Variants in LAMA2 observed in about 807,000 individuals in gnomAD.
The protein encoded by LAMA2 is laminin subunit alpha-2.
A neutral mutation model predicts 364.8 loss-of-function variants in LAMA2; 269 were observed. The observed-to-expected ratio is 0.74, with a 90% CI of 0.67 to 0.82. The LOEUF (loss-of-function observed/expected upper bound fraction) is 0.82, where lower values mean the gene tolerates loss of function less well. Among genes scored for constraint, LAMA2 ranks in the 40% least tolerant of loss-of-function variants. The pLI, the probability that LAMA2 is intolerant of heterozygous loss-of-function variation, is 0.00. For missense variants in LAMA2, 3,807 were observed against 3,873.2 expected, an observed-to-expected ratio of 0.98 and a Z score of 0.45; for synonymous variants, 1,379 against 1,370.6, an observed-to-expected ratio of 1.01 and a Z score of -0.14.
chr6:128,983,010 CATT>C (rs573995499), intron 1 of LAMA2, among the ~76,000 whole-genome samples: 80 of 149,970 alleles, frequency 5.3e-4, no homozygotes, highest in Non-Finnish European at 1.0e-3. Context: ...TCCAGTCTAT[CATT>C]GTTGTACATT....
intron 58 of LAMA2, among the ~76,000 whole-genome samples, chr6:129,501,666 A>T (rs1785651182): frequency 6.6e-6 from 1 of 152,314 alleles, no homozygotes; most frequent in South Asian, 2.1e-4. Context: ...AGCCAGAGCT[A>T]TTAAGTGCAG....
chr6:129,144,031 T>A lies in LAMA2; in HGVS notation c.770T>A (p.Met257Lys). The A allele has an allele frequency of 6.2e-7, 1 of 1,612,728 alleles. No homozygotes were observed. The highest frequency in any genetic ancestry group is 8.5e-7 in the Non-Finnish European group (1 of 1,179,084). The change falls in exon 5 of 65, where the codon ATG becomes AAG. Residue 257 changes from methionine (M) to lysine (K), a missense_variant. Met to Lys is a moderately conservative substitution (Grantham distance 95, BLOSUM62 -1). Transcript: ENST00000421865. ...RIRTLNADLM[M>K]FAHKDPREID... ...CGCACACTGAATGCTGACTTGATGA[T>A]GTTTGCTCACAAAGACCCAAGAGAA...
intron 49 of LAMA2, among the ~76,000 whole-genome samples, chr6:129,461,136 C>G (rs960399562): frequency 6.6e-6 from 1 of 151,992 alleles, no homozygotes; most frequent in Admixed American, 6.6e-5. Context: ...TAAATTAAAA[C>G]TATAAAACAT....
intron 35 of LAMA2, 38 bp downstream of exon 35, chr6:129,383,271 C>A: frequency 1.4e-6 from 2 of 1,472,836 alleles, no homozygotes; most frequent in Non-Finnish European, 1.9e-6. Flanking sequence ...TCATTTCTCC[C>A]AACAGAAAAA....
At chr6:129,253,049 A>G (rs560968179) in intron 14 of LAMA2, among the ~76,000 whole-genome samples, 247 of 152,240 alleles carry the variant, frequency 1.6e-3, no homozygotes, top group Non-Finnish European at 3.0e-3. Flanking sequence ...CCTTTTTTTA[A>G]AAGAGTGAAC....
At chr6:129,341,187 A>G (rs182793953) in intron 29 of LAMA2, among the ~76,000 whole-genome samples, 81 of 152,340 alleles carry the variant, frequency 5.3e-4, no homozygotes, top group Admixed American at 2.2e-3. Context: ...GACACATGAA[A>G]CATAAATACA....
At chr6:129,392,537 A>G (rs1779378269) in intron 36 of LAMA2, among the ~76,000 whole-genome samples, 1 of 152,206 alleles carries the variant, frequency 6.6e-6, no homozygotes, top group Non-Finnish European at 1.5e-5. Context: ...AAACTAGGTA[A>G]GTTAAATCCA....
In LAMA2 at chr6:129,050,145, G is replaced by A. The variant is rs936773094; in HGVS notation, c.283+57G>A. The A allele has an allele frequency of 1.5e-5, 23 of 1,546,466 alleles. 1 individual carries two copies. Among genetic ancestry groups the A allele is most frequent in the South Asian group, 2.2e-5 (2 of 89,262 alleles). On this transcript the variant is annotated intron_variant, in intron 2 of 64. Transcript: ENST00000421865. ...TGGGTAGGATCTATAATTGTGAGAT[G>A]TTGAGGCCAAGTTGCATTAAATTCA...
chr6:128,997,817 C>T (rs553177114), intron 1 of LAMA2, among the ~76,000 whole-genome samples: 1 of 152,072 alleles, frequency 6.6e-6, no homozygotes, highest in Non-Finnish European at 1.5e-5. Context: ...AAGTTTATAC[C>T]TGTAATGAGA....
At position 129,402,442 on chromosome 6, in the gene LAMA2, A is replaced by G; in HGVS notation, c.5681A>G (p.Glu1894Gly). ...CTTGCTGAGAAGGTGTCCCAGGCTG[A>G]GAGCCACGCAGCTCAGTTGAATGAC... ...RKLAEKVSQA[E>G]SHAAQLNDSS... The change falls in exon 39 of 65, where the codon GAG becomes GGG. Residue 1894 changes from glutamate to glycine, a missense_variant. Physicochemically the swap from Glu to Gly is moderately conservative, Grantham distance 98 (BLOSUM62 -2). This residue lies in a region of LAMA2 where 3,333 missense variants were observed against 3,345.7 expected (regional missense o/e 1.00). Coordinates refer to ENST00000421865, the MANE Select transcript of LAMA2 (RefSeq NM_000426.4). 3 of 1,614,158 alleles carry G rather than the reference A, an allele frequency of 1.9e-6. No homozygotes were observed. The highest frequency in any genetic ancestry group is 2.5e-6 in the Non-Finnish European group (3 of 1,180,034).
chr6:129,314,305 C>T (rs544931026), intron 23 of LAMA2, among the ~76,000 whole-genome samples: 19 of 147,574 alleles, frequency 1.3e-4, no homozygotes, highest in African/African-American at 4.5e-4. Context: ...AGGCTGAGGC[C>T]GGAGAATGGT....
At chr6:129,310,669 G>A (rs1441770972) in intron 22 of LAMA2, among the ~76,000 whole-genome samples, 1 of 151,968 alleles carries the variant, frequency 6.6e-6, no homozygotes, top group African/African-American at 2.4e-5. Flanking sequence ...TACTAAAAAA[G>A]GATAAAAGAA....
chr6:129,141,726 G>C (rs905576593), intron 4 of LAMA2, among the ~76,000 whole-genome samples: 11 of 152,146 alleles, frequency 7.2e-5, no homozygotes, highest in Middle Eastern at 3.4e-3. Context: ...ATCTTACAAA[G>C]TGGATGAAAA....
intron 1 of LAMA2, among the ~76,000 whole-genome samples, chr6:128,971,876 T>G (rs138239135): frequency 4.1e-4 from 63 of 152,270 alleles, no homozygotes; most frequent in African/African-American, 1.4e-3. Flanking sequence ...GTGATGTATC[T>G]TGCTGGAAGT....
chr6:129,279,827 TA>T (rs1307910248), intron 17 of LAMA2, among the ~76,000 whole-genome samples: 1 of 152,146 alleles, frequency 6.6e-6, no homozygotes, highest in African/African-American at 2.4e-5. Context: ...GAAAGTCAGT[TA>T]ATAACATGTC....
chr6:129,152,555 T>G (rs1461728672), intron 7 of LAMA2, among the ~76,000 whole-genome samples: 1 of 152,216 alleles, frequency 6.6e-6, no homozygotes, highest in Non-Finnish European at 1.5e-5. Flanking sequence ...GCTACTAACA[T>G]TTATTGAGCT....
intron 12 of LAMA2, among the ~76,000 whole-genome samples, chr6:129,193,099 A>T (rs1387302462): frequency 6.6e-6 from 1 of 152,230 alleles, no homozygotes; most frequent in African/African-American, 2.4e-5. Context: ...ATGGGCAAAT[A>T]AATTAATGAA....
intron 45 of LAMA2, among the ~76,000 whole-genome samples, chr6:129,451,662 CAGA>C (rs1429163338): frequency 6.6e-6 from 1 of 152,206 alleles, no homozygotes; most frequent in Admixed American, 6.5e-5. Context: ...TCTGTATCCC[CAGA>C]AGGTCTCAAA....
At chr6:128,906,391 A>G (rs1191091565) in intron 1 of LAMA2, among the ~76,000 whole-genome samples, 51 of 126,344 alleles carry the variant, frequency 4.0e-4, no homozygotes, top group African/African-American at 1.2e-3. Flanking sequence ...GCCAGTGATG[A>G]TGAGCATTTT....
Sources: allele counts gnomAD v4.1 joint callset (sites outside exome capture counted in the v4.1 genomes callset), GRCh38; gene constraint gnomAD v4.1.1; regional missense constraint gnomAD v4.1.1; transcripts MANE v1.5; gene names NCBI Gene and HGNC (gene_info 2026-07-23, HGNC 2026-07-21).